The following VWA8 variants were observed in gnomAD, a reference collection of about 807,000 sequenced individuals.
VWA8 encodes the protein von Willebrand factor A domain containing 8.
In VWA8, 221 loss-of-function variants were observed where a neutral mutation model predicts 241.5. That is an observed-to-expected ratio of 0.91 (90% CI 0.82 to 1.02). VWA8 has a LOEUF of 1.02. Ranked by LOEUF, VWA8 falls within the 50% of genes least tolerant of loss-of-function variation. VWA8 has a pLI of 0.00. For missense variants in VWA8, 2,322 were observed against 2,328.7 expected (o/e 1.00, Z 0.06); for synonymous variants, 852 against 827.1 (o/e 1.03, Z -0.52).
intron 2 of VWA8, among the ~76,000 whole-genome samples, chr13:41,927,507 T>C (rs1483540448): frequency 6.6e-6 from 1 of 152,146 alleles, no homozygotes; most frequent in Non-Finnish European, 1.5e-5. Context: ...TTTCTTTTTA[T>C]TCCTTGTTAC....
chr13:41,891,779 T>G (rs1874858966), intron 4 of VWA8, among the ~76,000 whole-genome samples, 192 bp from the exon 5 acceptor site: 1 of 152,214 alleles, frequency 6.6e-6, no homozygotes, highest in Admixed American at 6.5e-5. Flanking sequence ...TCTTTGGGCC[T>G]GTTTATTCGT....
At chr13:41,938,690 A>T (rs1877462712) in intron 2 of VWA8, among the ~76,000 whole-genome samples, 1 of 152,070 alleles carries the variant, frequency 6.6e-6, no homozygotes, top group East Asian at 1.9e-4. Context: ...CTCAAAGAAA[A>T]TTCTTTCATA....
intron 35 of VWA8, among the ~76,000 whole-genome samples, chr13:41,675,754 TTGTAAAATGGGGATAACAACCCCAC>T (rs1174767519): frequency 6.6e-6 from 1 of 152,004 alleles, no homozygotes; most frequent in African/African-American, 2.4e-5. Context: ...CTTTCTTCAT[TTGTAAAATGGGGATAACAACCCCAC>T]TGTAAAATGG....
intron 42 of VWA8, among the ~76,000 whole-genome samples, chr13:41,577,380 G>T (rs2044356709): frequency 6.6e-6 from 1 of 152,164 alleles, no homozygotes; most frequent in East Asian, 1.9e-4. Context: ...ATTATTCTTA[G>T]TATAGTTTGC....
In VWA8 at chr13:41,960,994, G is replaced by A; in HGVS notation, c.22C>T (p.Leu8Phe). The change falls in exon 1 of 45, where the codon CTC (leucine) becomes TTC (phenylalanine). Residue 8 changes from leucine to phenylalanine, a missense_variant. Leu to Phe is a conservative substitution (Grantham distance 22). Transcript: ENST00000379310. ...CCGCCGTGGCCTCCGGGTGCCCCGAGGAGTAGAAGCCGGGATTGCATGGCG... is the reference window on the plus strand; with the variant it reads ...CCGCCGTGGCCTCCGGGTGCCCCGAAGAGTAGAAGCCGGGATTGCATGGCG... MQSRLLLLGAPGGHGGPA... is the reference protein window; with the variant it reads MQSRLLLFGAPGGHGGPA... 3.6e-6 allele frequency: 5 copies of A among 1,399,196 alleles called. No homozygotes were observed. The highest frequency in any genetic ancestry group is 1.6e-5 in the South Asian group (1 of 63,278). The allele number at this position is 1,399,196 out of a possible 1,614,324, so 86.7% of individuals were successfully genotyped here.
At chr13:41,732,760 C>CCCT (rs1221107164) in intron 21 of VWA8, among the ~76,000 whole-genome samples, 6 of 152,046 alleles carry the variant, frequency 3.9e-5, no homozygotes, top group Non-Finnish European at 7.4e-5. Context: ...ATTTACTTGA[C>CCCT]CCTCCTTTAG....
chr13:41,757,540 T>C (rs2045703139), intron 21 of VWA8, among the ~76,000 whole-genome samples: 1 of 151,712 alleles, frequency 6.6e-6, no homozygotes. Flanking sequence ...GATCCTGCCA[T>C]CTACACAGTA....
At position 41,577,396 on chromosome 13, in the gene VWA8, A is replaced by G. The variant is rs560737642; in HGVS notation, c.5272-1558T>C. 3.9e-5 allele frequency among the ~76,000 whole-genome samples: 6 copies of G among 152,252 alleles called. No homozygotes were observed. The East Asian group carries it at 5.8e-4, about 15-fold the overall frequency. ...TTATTCTTAGTATAGTTTGCTATCAATAGAGTGAAAAGGTACCAAATAAAA... is the reference window on the plus strand; with the variant it reads ...TTATTCTTAGTATAGTTTGCTATCAGTAGAGTGAAAAGGTACCAAATAAAA... On this transcript the variant is annotated intron_variant, in intron 42 of 44. Transcript: ENST00000379310.
intron 35 of VWA8, 66 bp from the exon 36 acceptor site, chr13:41,675,362 G>T: frequency 2.5e-6 from 3 of 1,193,740 alleles, no homozygotes; most frequent in Non-Finnish European, 3.7e-6. Flanking sequence ...GGTGCTAAAA[G>T]TGGAATCAAG....
chr13:41,709,216 G>A (rs187509097), intron 26 of VWA8, among the ~76,000 whole-genome samples: 87 of 152,164 alleles, frequency 5.7e-4, no homozygotes, highest in Admixed American at 1.8e-3. Context: ...CCTTACTAGA[G>A]TGTTAATGCA....
intron 18 of VWA8, among the ~76,000 whole-genome samples, chr13:41,786,447 T>G (rs961005530): frequency 2.6e-5 from 4 of 152,156 alleles, no homozygotes; most frequent in Non-Finnish European, 5.9e-5. Context: ...GTAAAAAGTC[T>G]CTTCACTTAG....
chr13:41,624,074 G>A (rs2044673800), intron 37 of VWA8, among the ~76,000 whole-genome samples: 1 of 152,230 alleles, frequency 6.6e-6, no homozygotes. Flanking sequence ...AAATCTAGAA[G>A]AAATGGATAA....
At chr13:41,799,089 A>G (rs1869831965) in intron 17 of VWA8, among the ~76,000 whole-genome samples, 1 of 152,182 alleles carries the variant, frequency 6.6e-6, no homozygotes, top group Non-Finnish European at 1.5e-5. Context: ...AACCTTAAAC[A>G]TACTTATTTG....
In VWA8 at chr13:41,745,562, C is replaced by T. The variant is rs1232471432; in HGVS notation, c.2427-13407G>A. ...AGTGGGCAAAGGATATGAACAGACA[C>T]TTCTCAAAAGACGACATTTATGCGG... On this transcript the variant is annotated intron_variant, in intron 21 of 44. Coordinates refer to ENST00000379310, the MANE Select transcript of VWA8 (RefSeq NM_015058.2). Among the ~76,000 whole-genome samples the T allele has an allele frequency of 2.0e-5, 3 of 152,306 alleles. No individual in the cohort carries two copies. The East Asian group carries it at 5.8e-4, about 29-fold the overall frequency.
At chr13:41,739,370 A>G (rs958002031) in intron 21 of VWA8, among the ~76,000 whole-genome samples, 1 of 152,216 alleles carries the variant, frequency 6.6e-6, no homozygotes, top group Non-Finnish European at 1.5e-5. Context: ...CACGCTCTCT[A>G]GGAAGTTGGT....
chr13:41,587,535 C>G lies in VWA8; in HGVS notation c.5248G>C (p.Glu1750Gln), dbSNP rs374983635. The G allele has an allele frequency of 2.5e-6, 4 of 1,614,126 alleles. No homozygotes were observed. In the South Asian group the frequency reaches 4.4e-5, roughly 18 times the overall value. ...ACCTGGAACTTCTCCTCATAGTTCTCGAAGGCTTCCATGACCATACACACA... is the reference window on the plus strand; with the variant it reads ...ACCTGGAACTTCTCCTCATAGTTCTGGAAGGCTTCCATGACCATACACACA... ...EAVCMVMEAFENYEEKFQYDI... is the reference protein window; with the variant it reads ...EAVCMVMEAFQNYEEKFQYDI... Residue 1750 changes from glutamate to glutamine, a missense_variant, in exon 42 of 45, where the codon GAG (glutamate) becomes CAG (glutamine). Coordinates refer to ENST00000379310, the MANE Select transcript of VWA8 (RefSeq NM_015058.2).
chr13:41,670,312 G>C (rs1260897527), intron 37 of VWA8, among the ~76,000 whole-genome samples: 1 of 150,450 alleles, frequency 6.6e-6, no homozygotes, highest in Non-Finnish European at 1.5e-5. Flanking sequence ...CTTCAAATTA[G>C]TTCCAGACAG....
intron 20 of VWA8, among the ~76,000 whole-genome samples, chr13:41,763,342 T>C (rs897350637): frequency 6.0e-5 from 9 of 151,102 alleles, no homozygotes; most frequent in African/African-American, 1.7e-4. Context: ...GATAGATAGA[T>C]AGATAGATAA....
At chr13:41,572,220 G>A (rs1466617367) in intron 43 of VWA8, among the ~76,000 whole-genome samples, 12 of 151,162 alleles carry the variant, frequency 7.9e-5, no homozygotes, top group Non-Finnish European at 1.8e-4. Flanking sequence ...CTGGGAGGGA[G>A]GTGGGGGGCG....
Sources: allele counts gnomAD v4.1 joint callset (sites outside exome capture counted in the v4.1 genomes callset), GRCh38; gene constraint gnomAD v4.1.1; transcripts MANE v1.5; gene names NCBI Gene and HGNC (gene_info 2026-07-23, HGNC 2026-07-21).